The following KCND2 variants were observed in gnomAD, a reference collection of about 807,000 sequenced individuals.
The protein encoded by KCND2 is A-type voltage-gated potassium channel KCND2.
In KCND2, 16 loss-of-function variants were observed where a neutral mutation model predicts 54.4. The ratio of observed to expected loss-of-function variants is 0.29; its 90% confidence interval spans 0.20 to 0.45. The LOEUF (loss-of-function observed/expected upper bound fraction) is 0.45. KCND2 is among the 20% of genes least tolerant of loss of function. The pLI is 1.00. For synonymous variants in KCND2, 317 were observed against 310.7 expected, an observed-to-expected ratio of 1.02 and a Z score of -0.21; for missense variants, 486 against 824.2, an observed-to-expected ratio of 0.59 and a Z score of 5.02.
intron 1 of KCND2, among the ~76,000 whole-genome samples, chr7:120,443,350 AT>A (rs1801969838): frequency 7.9e-6 from 1 of 126,530 alleles, no homozygotes; most frequent in African/African-American, 3.6e-5. Context: ...AATAACAATA[AT>A]AAATAATAAT....
rs968236808 is a variant in KCND2, at chr7:120,354,596, A to C, written c.1115+78849A>C. ...CTATCCACAGTTATCTGAGAAAGCTATGAAAGCCATACATGGTGGCATGGG... is the reference window on the plus strand; with the variant it reads ...CTATCCACAGTTATCTGAGAAAGCTCTGAAAGCCATACATGGTGGCATGGG... On this transcript the variant is annotated intron_variant, in intron 1 of 5. Coordinates refer to ENST00000331113, the MANE Select transcript of KCND2 (RefSeq NM_012281.3). 2.6e-5 allele frequency among the ~76,000 whole-genome samples: 4 copies of C among 152,216 alleles called. 1 individual carries two copies. Among genetic ancestry groups the C allele is most frequent in the Admixed American group, 2.6e-4 (4 of 15,276 alleles).
intron 1 of KCND2, among the ~76,000 whole-genome samples, chr7:120,571,353 T>C (rs1792363491): frequency 6.6e-6 from 1 of 152,128 alleles, no homozygotes; most frequent in South Asian, 2.1e-4. Flanking sequence ...AATCCAAAAA[T>C]TGTTATGGAG....
intron 1 of KCND2, among the ~76,000 whole-genome samples, chr7:120,574,548 A>T (rs1792403689): frequency 6.6e-6 from 1 of 152,196 alleles, no homozygotes; most frequent in South Asian, 2.1e-4. Context: ...TAAATTAATC[A>T]TAAACTTCTA....
At chr7:120,678,343 T>TTTTA (rs10632075) in intron 1 of KCND2, among the ~76,000 whole-genome samples, 101 of 120,280 alleles carry the variant, frequency 8.4e-4, no homozygotes, top group African/African-American at 3.1e-3. Flanking sequence ...GTATGATTAT[T>TTTTA]TATATATATA....
intron 1 of KCND2, among the ~76,000 whole-genome samples, chr7:120,683,419 C>A (rs990216937): frequency 1.3e-5 from 2 of 152,070 alleles, no homozygotes; most frequent in African/African-American, 4.8e-5. Context: ...AGAGCTTTAT[C>A]TTCTGCAAAA....
chr7:120,480,157 T>C (rs968040730), intron 1 of KCND2, among the ~76,000 whole-genome samples: 7 of 152,030 alleles, frequency 4.6e-5, no homozygotes, highest in African/African-American at 1.4e-4. Context: ...ATTATCTATT[T>C]TTAGGGAATA....
chr7:120,369,106 A>C (rs1386206398), intron 1 of KCND2, among the ~76,000 whole-genome samples: 1 of 151,972 alleles, frequency 6.6e-6, no homozygotes, highest in African/African-American at 2.4e-5. Context: ...TTAGAGTTTG[A>C]AAGTTAACAA....
intron 1 of KCND2, among the ~76,000 whole-genome samples, chr7:120,286,658 T>C (rs894129500): frequency 6.6e-6 from 1 of 151,974 alleles, no homozygotes; most frequent in Non-Finnish European, 1.5e-5. Context: ...CAAAAGGAAT[T>C]TCCTATTTAG....
At chr7:120,493,786 C>T (rs780593930) in intron 1 of KCND2, among the ~76,000 whole-genome samples, 3 of 152,050 alleles carry the variant, frequency 2.0e-5, no homozygotes, top group Admixed American at 6.6e-5. Context: ...ACTGGTACCA[C>T]CACTTTTGAA....
At chr7:120,367,135 G>A (rs1031256330) in intron 1 of KCND2, among the ~76,000 whole-genome samples, 1 of 152,064 alleles carries the variant, frequency 6.6e-6, no homozygotes, top group Non-Finnish European at 1.5e-5. Context: ...TACATAAGGT[G>A]GTTGTCATAC....
intron 1 of KCND2, among the ~76,000 whole-genome samples, chr7:120,658,648 C>T (rs1407740743): frequency 6.6e-6 from 1 of 152,152 alleles, no homozygotes; most frequent in Non-Finnish European, 1.5e-5. Context: ...AACATTCAAA[C>T]CTTGAAAGAA....
At position 120,593,161 on chromosome 7, in the gene KCND2, C is replaced by A. The variant is rs538451981; in HGVS notation, c.1116-139742C>A. On this transcript the variant is annotated intron_variant, in intron 1 of 5. Transcript: ENST00000331113. ...TATTTCGTTTAGCTCAGCACTAACA[C>A]AAAAATGAAAGAAAATTTTGTACCT... is the stretch of plus-strand genomic sequence containing the variant. Among the ~76,000 whole-genome samples, 219 of 152,204 alleles carry A rather than the reference C, an allele frequency of 1.4e-3. 1 individual carries two copies. Among genetic ancestry groups the A allele is most frequent in the Middle Eastern group, 3.4e-3 (1 of 294 alleles).
At chr7:120,571,465 G>A (rs935104922) in intron 1 of KCND2, among the ~76,000 whole-genome samples, 25 of 152,266 alleles carry the variant, frequency 1.6e-4, no homozygotes, top group African/African-American at 5.5e-4. Flanking sequence ...GGGAGAGAAG[G>A]ACAAGGCAGA....
chr7:120,598,503 C>A (rs1464729481), intron 1 of KCND2, among the ~76,000 whole-genome samples: 1 of 135,730 alleles, frequency 7.4e-6, no homozygotes, highest in Admixed American at 8.5e-5. Flanking sequence ...TATTCACAAG[C>A]CATGGAGGAG....
intron 1 of KCND2, among the ~76,000 whole-genome samples, chr7:120,338,899 A>C (rs372738629): frequency 6.6e-6 from 1 of 151,098 alleles, no homozygotes; most frequent in East Asian, 1.9e-4. Flanking sequence ...TTTTTTTTTG[A>C]GACAGAGTCT....
At chr7:120,621,551 A>T (rs1202897212) in intron 1 of KCND2, among the ~76,000 whole-genome samples, 1 of 152,184 alleles carries the variant, frequency 6.6e-6, no homozygotes, top group Non-Finnish European at 1.5e-5. Flanking sequence ...CAATACTGAC[A>T]GTGAAGTAAG....
At chr7:120,430,460 A>C (rs556271607) in intron 1 of KCND2, among the ~76,000 whole-genome samples, 2 of 152,222 alleles carry the variant, frequency 1.3e-5, no homozygotes, top group Admixed American at 1.3e-4. Context: ...CTCTACTAAA[A>C]ATACAAAAAT....
At chr7:120,420,859 A>G (rs1390587403) in intron 1 of KCND2, among the ~76,000 whole-genome samples, 1 of 152,188 alleles carries the variant, frequency 6.6e-6, no homozygotes, top group East Asian at 1.9e-4. Flanking sequence ...AGAATCCCGC[A>G]TTATTAATCA....
chr7:120,742,992 T>C (rs1562925828), intron 4 of KCND2, among the ~76,000 whole-genome samples: 1 of 152,066 alleles, frequency 6.6e-6, no homozygotes, highest in Non-Finnish European at 1.5e-5. Flanking sequence ...ATCAAGAGAA[T>C]AGCAATAGCA....
Sources: allele counts gnomAD v4.1 joint callset (sites outside exome capture counted in the v4.1 genomes callset), GRCh38; gene constraint gnomAD v4.1.1; transcripts MANE v1.5; gene names NCBI Gene and HGNC (gene_info 2026-07-23, HGNC 2026-07-21).